The following CTTNBP2 variants were observed in gnomAD, a reference collection of about 807,000 sequenced individuals.
CTTNBP2 encodes the protein cortactin binding protein 2, also known as cortactin-binding protein 2.
A neutral mutation model predicts 156.9 loss-of-function variants in CTTNBP2; 108 were observed. The ratio of observed to expected loss-of-function variants is 0.69; its 90% CI spans 0.59 to 0.81. The LOEUF (loss-of-function observed/expected upper bound fraction) is 0.81. Among genes scored for constraint, CTTNBP2 ranks in the 30% least tolerant of loss-of-function variants. CTTNBP2 has a pLI of 0.00. For synonymous variants in CTTNBP2, 767 were observed against 751.8 expected (o/e 1.02, Z -0.33); for missense variants, 1,924 against 2,035.4 (o/e 0.95, Z 1.05).
chr7:117,783,485 T>C (rs1798543291), intron 5 of CTTNBP2, among the ~76,000 whole-genome samples: 1 of 152,208 alleles, frequency 6.6e-6, no homozygotes, highest in Admixed American at 6.5e-5. Context: ...GAAAGTCACC[T>C]AACTCAGGAA....
At chr7:117,802,452 AAAAAAC>A (rs1417902378) in intron 3 of CTTNBP2, among the ~76,000 whole-genome samples, 1 of 136,454 alleles carries the variant, frequency 7.3e-6, no homozygotes, top group Non-Finnish European at 1.6e-5. Flanking sequence ...AAAAAAAAAA[AAAAAAC>A]AAAAACAAAC....
chr7:117,728,194 T>C lies in CTTNBP2; in HGVS notation c.3950A>G (p.Gln1317Arg), dbSNP rs781521544. The stretch of plus-strand genomic sequence containing the variant: ...CAAGCGGGCCAGGCAGGAGTTAAGC[T>C]GACGCCAGACGGACAGAGCCCAGTC... ...IVDWALSVWR[Q>R]LNSCLARLGT... Residue 1317 changes from glutamine (Q) to arginine (R), a missense_variant, in exon 17 of 23, where the codon CAG becomes CGG. Physicochemically the swap from Gln to Arg is conservative, Grantham distance 43. Coordinates refer to ENST00000160373, the MANE Select transcript of CTTNBP2 (RefSeq NM_033427.3). 5.0e-6 allele frequency: 8 copies of C among 1,614,190 alleles called. No individual in the cohort carries two copies. The highest frequency in any genetic ancestry group is 6.8e-6 in the Non-Finnish European group (8 of 1,180,024).
At chr7:117,716,971 C>G (rs1794417548) in intron 22 of CTTNBP2, among the ~76,000 whole-genome samples, 1 of 152,266 alleles carries the variant, frequency 6.6e-6, no homozygotes, top group Non-Finnish European at 1.5e-5. Context: ...CCCACCCACA[C>G]ACAGGTCTTT....
chr7:117,808,489 G>A (rs528101718), intron 3 of CTTNBP2, among the ~76,000 whole-genome samples: 148 of 152,278 alleles, frequency 9.7e-4, no homozygotes, highest in African/African-American at 3.2e-3. Flanking sequence ...CCGCCTATTC[G>A]TAGTCGCAGC....
At chr7:117,746,144 G>A (rs1332761085) in intron 12 of CTTNBP2, 45 bp from the exon 13 acceptor site, 4 of 1,371,102 alleles carry the variant, frequency 2.9e-6, no homozygotes, top group African/African-American at 1.4e-5. Flanking sequence ...ATGCTAAATT[G>A]ATGAGAGAAA....
chr7:117,726,930 T>C (rs1795124886), intron 17 of CTTNBP2, among the ~76,000 whole-genome samples: 1 of 152,110 alleles, frequency 6.6e-6, no homozygotes, highest in Admixed American at 6.5e-5. Flanking sequence ...AGCTTGCAAA[T>C]AGGGTAAAAA....
intron 3 of CTTNBP2, among the ~76,000 whole-genome samples, chr7:117,798,748 A>C (rs1041652304): frequency 1.3e-5 from 2 of 152,088 alleles, no homozygotes; most frequent in Admixed American, 6.5e-5. Flanking sequence ...AAACAGAAGA[A>C]ATAAATGATA....
intron 14 of CTTNBP2, among the ~76,000 whole-genome samples, chr7:117,745,563 C>T (rs1796279943): frequency 6.6e-6 from 1 of 152,168 alleles, no homozygotes; most frequent in Non-Finnish European, 1.5e-5. Context: ...CTACCACCTC[C>T]TCCCTTGGTA....
intron 7 of CTTNBP2, among the ~76,000 whole-genome samples, chr7:117,778,748 C>A (rs1798246376): frequency 6.6e-6 from 1 of 152,194 alleles, no homozygotes; most frequent in South Asian, 2.1e-4. Flanking sequence ...TCTACTCAGG[C>A]ACCCATCTTG....
chr7:117,805,580 G>A (rs983018481), intron 3 of CTTNBP2, among the ~76,000 whole-genome samples: 1 of 152,126 alleles, frequency 6.6e-6, no homozygotes, highest in African/African-American at 2.4e-5. Flanking sequence ...CATACACTGC[G>A]AGCTCATTAC....
chr7:117,870,801 CAA>C (rs960117932), intron 1 of CTTNBP2, among the ~76,000 whole-genome samples: 26 of 152,174 alleles, frequency 1.7e-4, no homozygotes, highest in African/African-American at 6.0e-4. Flanking sequence ...CGGTTCACGG[CAA>C]AGACTATTAA....
chr7:117,810,150 T>C (rs1800183539), intron 3 of CTTNBP2, among the ~76,000 whole-genome samples: 2 of 152,240 alleles, frequency 1.3e-5, no homozygotes, highest in Admixed American at 1.3e-4. Context: ...TTGGTTTAAA[T>C]GAAACACATG....
At chr7:117,736,489 T>C (rs1483877231) in intron 14 of CTTNBP2, among the ~76,000 whole-genome samples, 2 of 152,108 alleles carry the variant, frequency 1.3e-5, no homozygotes, top group African/African-American at 4.8e-5. Flanking sequence ...TAAATCGCTC[T>C]TTCCATTTTC....
chr7:117,834,471 G>A (rs73215983), intron 2 of CTTNBP2, among the ~76,000 whole-genome samples: 4,188 of 152,272 alleles, frequency 0.028, 83 homozygotes, highest in Non-Finnish European at 0.044. Flanking sequence ...GAGAACTTAT[G>A]CTAATATCCT....
intron 2 of CTTNBP2, among the ~76,000 whole-genome samples, chr7:117,831,976 T>C (rs969177197): frequency 1.3e-5 from 2 of 152,194 alleles, no homozygotes; most frequent in African/African-American, 2.4e-5. Context: ...AAATGACATA[T>C]TCCAAACCCT....
rs767948347 is a variant in CTTNBP2, at chr7:117,711,697, G to A, written c.4832C>T (p.Ser1611Phe). 6.2e-7 allele frequency: 1 copy of A among 1,614,016 alleles called. No individual in the cohort carries two copies. Among genetic ancestry groups the A allele is most frequent in the Non-Finnish European group, 8.5e-7 (1 of 1,179,950 alleles). Residue 1611 changes from serine to phenylalanine, a missense_variant, in exon 23 of 23, where the codon TCT (serine) becomes TTT (phenylalanine). By Grantham distance (155) the Ser-to-Phe change is radical. Transcript: ENST00000160373. ...TTTACTTCTAGGAACAGGAAGAAAAGATTTAACTCTTGAAACACCCAACTC... is the reference window on the plus strand; with the variant it reads ...TTTACTTCTAGGAACAGGAAGAAAAAATTTAACTCTTGAAACACCCAACTC... ...KTELGVSRVKSFLPVPRSKVT... is the reference protein window; with the variant it reads ...KTELGVSRVKFFLPVPRSKVT...
At chr7:117,820,996 C>T (rs1563041592) in intron 2 of CTTNBP2, among the ~76,000 whole-genome samples, 1 of 152,022 alleles carries the variant, frequency 6.6e-6, no homozygotes, top group Non-Finnish European at 1.5e-5. Flanking sequence ...ATTTTTTATG[C>T]TACTGCAAAG....
intron 22 of CTTNBP2, among the ~76,000 whole-genome samples, chr7:117,714,931 G>A (rs1025756813): frequency 2.0e-5 from 3 of 152,112 alleles, no homozygotes; most frequent in South Asian, 2.1e-4. Flanking sequence ...TAAAACCCCC[G>A]AATTATCTGT....
At chr7:117,754,693 A>C (rs1796795797) in intron 12 of CTTNBP2, among the ~76,000 whole-genome samples, 1 of 152,220 alleles carries the variant, frequency 6.6e-6, no homozygotes, top group Admixed American at 6.5e-5. Flanking sequence ...TATTATATTC[A>C]TTCAAGAGTT....
Sources: gnomAD v4.1 joint callset for allele counts (sites outside exome capture counted in the v4.1 genomes callset) on GRCh38, gnomAD v4.1.1 for gene constraint, MANE v1.5 for transcripts, NCBI Gene and HGNC (gene_info 2026-07-23, HGNC 2026-07-21) for gene names.